VWDE: variants seen among roughly 807,000 people sequenced by gnomAD.
The protein encoded by VWDE is von Willebrand factor D and EGF domains.
VWDE carries 207 observed loss-of-function variants against 178.4 expected under a neutral mutation model. That is an observed-to-expected ratio of 1.16 (90% CI 1.04 to 1.30). VWDE has a LOEUF of 1.30. VWDE is among the 50% of genes most tolerant of loss of function. The pLI is 0.00. For synonymous variants in VWDE, 738 were observed against 651.4 expected (o/e 1.13, Z -2.02); for missense variants, 2,287 against 1,901.3 (o/e 1.20, Z -3.77).
At chr7:12,354,092 T>A (rs1216216285) in intron 18 of VWDE, 1 of 175,610 alleles carries the variant, frequency 5.7e-6, no homozygotes, top group African/African-American at 2.4e-5. Context: ...CTACTAGCCC[T>A]TTTGTGATTT....
chr7:12,358,801 T>G (rs1218777748), intron 16 of VWDE, among the ~76,000 whole-genome samples: 1 of 152,222 alleles, frequency 6.6e-6, no homozygotes, highest in Non-Finnish European at 1.5e-5. Flanking sequence ...TGTATTGTAT[T>G]TTCATCTCTT....
At chr7:12,334,178 C>G (rs1780886741) in intron 27 of VWDE, among the ~76,000 whole-genome samples, 1 of 151,906 alleles carries the variant, frequency 6.6e-6, no homozygotes, top group Non-Finnish European at 1.5e-5. Context: ...ACTTATAATA[C>G]TTAATAATAA....
At position 12,370,279 on chromosome 7, in the gene VWDE, G is replaced by T; in HGVS notation, c.2027C>A (p.Thr676Asn). Residue 676 changes from threonine (T) to asparagine (N), a missense_variant, in exon 12 of 29, where the codon ACT becomes AAT. Transcript: ENST00000275358. ...DVTSEYINSD[T>N]LVREINKHTS... ...ATGCTTGTTTATCTCTCTGACAAGA[G>T]TGTCTGAATTAATATATTCGGAGGT... 2 of 1,551,148 alleles carry T rather than the reference G, an allele frequency of 1.3e-6. No homozygotes were observed. Among genetic ancestry groups the T allele is most frequent in the Non-Finnish European group, 1.7e-6 (2 of 1,146,854 alleles).
intron 18 of VWDE, among the ~76,000 whole-genome samples, chr7:12,355,317 G>A (rs575449491): frequency 6.6e-6 from 1 of 151,854 alleles, no homozygotes; most frequent in East Asian, 2.0e-4. Context: ...TCGGGAGGCT[G>A]AGGCAAGAGA....
intron 2 of VWDE, among the ~76,000 whole-genome samples, chr7:12,390,408 A>C (rs1406340612): frequency 6.6e-6 from 1 of 152,056 alleles, no homozygotes; most frequent in East Asian, 1.9e-4. Flanking sequence ...AGTGAGGTAT[A>C]GATAAAGTAA....
chr7:12,398,164 C>T lies in VWDE; in HGVS notation c.59-4386G>A, dbSNP rs905566612. 2.0e-5 allele frequency among the ~76,000 whole-genome samples: 3 copies of T among 152,096 alleles called. 1 individual carries two copies. Among genetic ancestry groups the T allele is most frequent in the South Asian group, 4.1e-4 (2 of 4,832 alleles). ...CAAAGACATGGAATCAGCCATGGTG[C>T]CCATCAACAGTAGATTGGATAAAGA... On this transcript the variant is annotated intron_variant, in intron 1 of 28. Transcript: ENST00000275358.
chr7:12,342,932 G>A (rs749817671), intron 22 of VWDE, 151 bp downstream of exon 22: 41 of 421,002 alleles, frequency 9.7e-5, no homozygotes, highest in African/African-American at 6.1e-4. Context: ...AACATGCGGT[G>A]TTTGGTTTTT....
chr7:12,332,984 A>C (rs1724140473), intron 28 of VWDE, among the ~76,000 whole-genome samples: 1 of 151,762 alleles, frequency 6.6e-6, no homozygotes, highest in African/African-American at 2.4e-5. Context: ...TGTTTGTATG[A>C]GAGAGAGAGA....
intron 19 of VWDE, among the ~76,000 whole-genome samples, chr7:12,345,551 CT>C (rs1309243708): frequency 6.6e-6 from 1 of 152,068 alleles, no homozygotes; most frequent in Non-Finnish European, 1.5e-5. Context: ...ATAGCAATTG[CT>C]TTTGTAATAG....
intron 1 of VWDE, among the ~76,000 whole-genome samples, chr7:12,400,161 T>C (rs982936176): frequency 2.0e-5 from 3 of 151,968 alleles, no homozygotes; most frequent in Non-Finnish European, 2.9e-5. Flanking sequence ...CTTAAGACAC[T>C]GTAAAAATAA....
At chr7:12,353,196 T>C (rs547159758) in intron 18 of VWDE, among the ~76,000 whole-genome samples, 2 of 152,282 alleles carry the variant, frequency 1.3e-5, no homozygotes, top group East Asian at 1.9e-4. Flanking sequence ...AAGACCAAAG[T>C]GATCAAACTA....
chr7:12,355,569 A>C (rs894626723), intron 18 of VWDE, among the ~76,000 whole-genome samples: 3 of 152,188 alleles, frequency 2.0e-5, no homozygotes, highest in African/African-American at 7.2e-5. Context: ...ATGTACAGAA[A>C]ATATTCATAT....
intron 3 of VWDE, among the ~76,000 whole-genome samples, chr7:12,386,862 C>G (rs1395989923): frequency 6.6e-6 from 1 of 152,106 alleles, no homozygotes; most frequent in African/African-American, 2.4e-5. Context: ...TTGGTCACCC[C>G]TCTGTACTAA....
At chr7:12,342,777 A>G (rs1023397132) in intron 22 of VWDE, among the ~76,000 whole-genome samples, 1 of 151,714 alleles carries the variant, frequency 6.6e-6, no homozygotes, top group African/African-American at 2.4e-5. Flanking sequence ...GGTGTGCTGC[A>G]CCCATCAACT....
chr7:12,380,714 C>A lies in VWDE; in HGVS notation c.561G>T (p.Leu187Phe), dbSNP rs771157264. ...GDCVRQLAAS[L>F]PPPPAGRPEV... is the part of the protein sequence containing the mutation. ...CTGGCCTTCCTGCAGGTGGAGGTGG[C>A]AATGAGGCAGCCAGCTGACCTGGGG... The change falls in exon 5 of 29, where the codon TTG becomes TTT. Residue 187 changes from leucine to phenylalanine, a missense_variant. Physicochemically the swap from Leu to Phe is conservative, Grantham distance 22. Coordinates refer to ENST00000275358, the MANE Select transcript of VWDE (RefSeq NM_001135924.3). 4.5e-6 allele frequency: 7 copies of A among 1,551,748 alleles called. No individual in the cohort carries two copies. Among genetic ancestry groups the A allele is most frequent in the Admixed American group, 2.0e-5 (1 of 50,992 alleles).
At chr7:12,346,387 T>C (rs1222368996) in intron 19 of VWDE, among the ~76,000 whole-genome samples, 1 of 152,024 alleles carries the variant, frequency 6.6e-6, no homozygotes, top group African/African-American at 2.4e-5. Flanking sequence ...GAGTGATAAA[T>C]ATAAAATGAA....
rs889820922 is a variant in VWDE, at chr7:12,357,189, C to T, written c.3525+76G>A. On this transcript the variant is annotated intron_variant, in intron 17 of 28. Coordinates refer to ENST00000275358, the MANE Select transcript of VWDE (RefSeq NM_001135924.3). ...TTGCTCTTTACAACTAGCAATATGGCTTGTATTTTAAATTCAAATAAAGTT... is the reference window on the plus strand; with the variant it reads ...TTGCTCTTTACAACTAGCAATATGGTTTGTATTTTAAATTCAAATAAAGTT... 4 of 1,491,432 alleles carry T rather than the reference C, an allele frequency of 2.7e-6. No homozygotes were observed. In the African/African-American group the frequency reaches 4.2e-5, roughly 16 times the overall value. 92.4% of individuals were successfully genotyped at this position (1,491,432 alleles called of 1,614,324 possible).
chr7:12,357,953 G>T (rs934082611), intron 16 of VWDE, among the ~76,000 whole-genome samples: 43 of 151,824 alleles, frequency 2.8e-4, no homozygotes, highest in African/African-American at 9.9e-4. Context: ...TGACTGCTCC[G>T]TTTCTTTGGC....
chr7:12,392,001 C>T (rs1784411063), intron 2 of VWDE, among the ~76,000 whole-genome samples: 1 of 152,162 alleles, frequency 6.6e-6, no homozygotes, highest in Admixed American at 6.5e-5. Flanking sequence ...ATTTGGGAAG[C>T]ATGACACAGA....
Sources: allele counts gnomAD v4.1 joint callset (sites outside exome capture counted in the v4.1 genomes callset), GRCh38; gene constraint gnomAD v4.1.1; transcripts MANE v1.5; gene names NCBI Gene and HGNC (gene_info 2026-07-23, HGNC 2026-07-21).